Variants in KIAA0586 observed in about 807,000 individuals in gnomAD.
The protein encoded by KIAA0586 is protein TALPID3.
A neutral mutation model predicts 169.8 loss-of-function variants in KIAA0586; 144 were observed. The ratio of observed to expected loss-of-function variants is 0.85; its 90% CI spans 0.74 to 0.97. The LOEUF is 0.97. Among genes scored for constraint, KIAA0586 ranks in the 50% least tolerant of loss-of-function variants. The pLI, the probability that KIAA0586 is intolerant of heterozygous loss-of-function variation, is 0.00. For missense variants in KIAA0586, 1,854 were observed against 1,823.0 expected, an observed-to-expected ratio of 1.02 and a Z score of -0.31; for synonymous variants, 625 against 612.4, an observed-to-expected ratio of 1.02 and a Z score of -0.30.
Position 58,461,257 on chromosome 14 carries a change from G to A in KIAA0586, c.2059+97G>A, listed in dbSNP as rs149423262. 1.9e-3 allele frequency: 1,573 copies of A among 831,510 alleles called. 14 individuals carry two copies. In the African/African-American group the frequency reaches 0.025, roughly 13 times the overall value. 51.5% of individuals were successfully genotyped at this position (831,510 alleles called of 1,614,324 possible). ...TGCTTTTTATTTATTGCTTATACGTGCCATTCAAGTTATATGATGCTTGGG... is the reference window on the plus strand; with the variant it reads ...TGCTTTTTATTTATTGCTTATACGTACCATTCAAGTTATATGATGCTTGGG... On this transcript the variant is annotated intron_variant, in intron 14 of 30. Coordinates refer to ENST00000652326, the MANE Select transcript of KIAA0586 (RefSeq NM_001329943.3).
At chr14:58,544,178 G>A (rs1310218406) in intron 30 of KIAA0586, among the ~76,000 whole-genome samples, 2 of 152,112 alleles carry the variant, frequency 1.3e-5, no homozygotes, top group Non-Finnish European at 2.9e-5. Context: ...TTTCATCCAT[G>A]TTCCTGCAAA....
chr14:58,429,358 G>A lies in KIAA0586; in HGVS notation c.200-5G>A. ...TCACTAAAATCTATTCCTTTGTTTT[G>A]TTAGGTTCATCAGACTTAACTTCTG... is the stretch of plus-strand genomic sequence containing the variant. On this transcript the variant is annotated splice_region_variant and splice_polypyrimidine_tract_variant and intron_variant, in intron 1 of 30. Coordinates refer to ENST00000652326, the MANE Select transcript of KIAA0586 (RefSeq NM_001329943.3). 1 of 1,554,526 alleles carries A rather than the reference G, an allele frequency of 6.4e-7. No individual in the cohort carries two copies. The highest frequency in any genetic ancestry group is 8.9e-7 in the Non-Finnish European group (1 of 1,126,290).
At chr14:58,526,607 A>G (rs769217919) in intron 29 of KIAA0586, among the ~76,000 whole-genome samples, 1 of 152,244 alleles carries the variant, frequency 6.6e-6, no homozygotes, top group Non-Finnish European at 1.5e-5. Flanking sequence ...AGGAAAAACC[A>G]GTGCAAAAAG....
chr14:58,538,788 TTTTTC>T (rs1396499563), intron 29 of KIAA0586, among the ~76,000 whole-genome samples: 3 of 152,038 alleles, frequency 2.0e-5, no homozygotes, highest in African/African-American at 7.2e-5. Flanking sequence ...GTTCAATTGT[TTTTTC>T]TTTTCTTTTC....
At chr14:58,436,187 G>T (rs2037808617) in intron 4 of KIAA0586, among the ~76,000 whole-genome samples, 1 of 152,094 alleles carries the variant, frequency 6.6e-6, no homozygotes, top group South Asian at 2.1e-4. Flanking sequence ...TTGAAAAAGA[G>T]GAGGCAAAGT....
intron 19 of KIAA0586, among the ~76,000 whole-genome samples, chr14:58,475,182 C>T (rs2041513303): frequency 6.6e-6 from 1 of 152,204 alleles, no homozygotes; most frequent in Non-Finnish European, 1.5e-5. Flanking sequence ...AGCTGCACAG[C>T]AGGAGGTGAG....
At chr14:58,445,521 C>T (rs2038806424) in intron 6 of KIAA0586, among the ~76,000 whole-genome samples, 1 of 151,368 alleles carries the variant, frequency 6.6e-6, no homozygotes, top group Non-Finnish European at 1.5e-5. Context: ...GCAACCTCCA[C>T]CTCCCAGATT....
intron 4 of KIAA0586, among the ~76,000 whole-genome samples, chr14:58,434,986 A>T (rs2037697821): frequency 1.3e-5 from 2 of 151,948 alleles, no homozygotes; most frequent in South Asian, 4.2e-4. Flanking sequence ...ATAGGGTCTC[A>T]CTATATTGCC....
chr14:58,460,232 A>T (rs368824183), intron 13 of KIAA0586, among the ~76,000 whole-genome samples, 162 bp downstream of exon 13: 1 of 152,134 alleles, frequency 6.6e-6, no homozygotes, highest in East Asian at 1.9e-4. Flanking sequence ...TTTTGGATTT[A>T]TAATGTGAAA....
Position 58,549,770 on chromosome 14 carries a change from C to G in KIAA0586, c.*1838C>G, listed in dbSNP as rs984792946. On this transcript the variant is annotated 3_prime_UTR_variant, in exon 31 of 31. Coordinates refer to ENST00000652326, the MANE Select transcript of KIAA0586 (RefSeq NM_001329943.3). ...GCTTCATTTTAAACATGACACCCCA[C>G]CCCCCAACCTTGGTTTCTGGTTTTC... is the stretch of plus-strand genomic sequence containing the variant. 2 of 152,012 alleles carry G rather than the reference C, an allele frequency of 1.3e-5. No individual in the cohort carries two copies. Among genetic ancestry groups the G allele is most frequent in the South Asian group, 2.1e-4 (1 of 4,814 alleles). 9.4% of individuals were successfully genotyped at this position (152,012 alleles called of 1,614,324 possible). A position where few individuals can be genotyped will look rare whatever the true frequency, so the allele number is the denominator to read the frequency against.
intron 8 of KIAA0586, among the ~76,000 whole-genome samples, chr14:58,450,982 A>ATT (rs2039320226): frequency 8.0e-6 from 1 of 124,426 alleles, no homozygotes; most frequent in Non-Finnish European, 1.6e-5. Flanking sequence ...AGTTTTGTTA[A>ATT]CTTTTTTTTT....
the KIAA0586 span, among the ~76,000 whole-genome samples, chr14:58,561,774 A>G: frequency 2.6e-5 from 4 of 152,084 alleles, no homozygotes; most frequent in African/African-American, 9.7e-5. Context: ...GGGCCCTTAA[A>G]TTTCCTGTTT....
At chr14:58,526,899 AT>A (rs2045622572) in intron 29 of KIAA0586, among the ~76,000 whole-genome samples, 1 of 152,154 alleles carries the variant, frequency 6.6e-6, no homozygotes. Context: ...CTTAATCAGA[AT>A]CACATTTTCC....
At chr14:58,542,395 T>C (rs2046690482) in intron 30 of KIAA0586, among the ~76,000 whole-genome samples, 1 of 151,918 alleles carries the variant, frequency 6.6e-6, no homozygotes, top group South Asian at 2.1e-4. Context: ...GAGAATCGCT[T>C]GATCCCGGGA....
chr14:58,520,071 C>T (rs889195413), intron 29 of KIAA0586, among the ~76,000 whole-genome samples: 3 of 151,922 alleles, frequency 2.0e-5, no homozygotes, highest in African/African-American at 7.3e-5. Flanking sequence ...TAGGGGCAGC[C>T]GAGAATATGC....
chr14:58,480,734 A>G (rs1029835431), intron 20 of KIAA0586, among the ~76,000 whole-genome samples: 3 of 152,134 alleles, frequency 2.0e-5, no homozygotes, highest in Admixed American at 2.0e-4. Context: ...CCAGCTTCAT[A>G]GAGTTTATTG....
chr14:58,440,049 A>ATTTTTTTTT (rs59044231), intron 4 of KIAA0586: 9 of 164,232 alleles, frequency 5.5e-5, no homozygotes, highest in South Asian at 2.5e-4. Context: ...TTAATTTTTA[A>ATTTTTTTTT]TTTTTTTTTT....
At chr14:58,483,363 T>G (rs993854838) in intron 21 of KIAA0586, among the ~76,000 whole-genome samples, 6 of 152,200 alleles carry the variant, frequency 3.9e-5, no homozygotes, top group African/African-American at 7.2e-5. Flanking sequence ...TGCTATATAT[T>G]ATATATCCTT....
At chr14:58,433,583 A>C (rs1043720409) in intron 4 of KIAA0586, among the ~76,000 whole-genome samples, 1 of 152,182 alleles carries the variant, frequency 6.6e-6, no homozygotes, top group African/African-American at 2.4e-5. Flanking sequence ...TAGATATCTG[A>C]TTTTATCTCT....
Sources: gnomAD v4.1 joint callset for allele counts (sites outside exome capture counted in the v4.1 genomes callset) on GRCh38, gnomAD v4.1.1 for gene constraint, MANE v1.5 for transcripts, NCBI Gene and HGNC (gene_info 2026-07-23, HGNC 2026-07-21) for gene names.